CLIC4: variants seen among roughly 807,000 people sequenced by gnomAD.
CLIC4 encodes CLIC family member 4, also known as chloride intracellular channel protein 4.
A neutral mutation model predicts 24.6 loss-of-function variants in CLIC4; 13 were observed. That is an observed-to-expected ratio of 0.53 (90% CI 0.34 to 0.84). CLIC4 has a LOEUF of 0.84. CLIC4 is among the 40% of genes least tolerant of loss of function. The pLI is 0.01. For missense variants in CLIC4, 227 were observed against 301.7 expected (o/e 0.75, Z 1.83); for synonymous variants, 104 against 111.3 (o/e 0.93, Z 0.41).
intron 1 of CLIC4, among the ~76,000 whole-genome samples, chr1:24,791,472 G>T (rs973015900): frequency 6.6e-6 from 1 of 152,160 alleles, no homozygotes; most frequent in African/African-American, 2.4e-5. Flanking sequence ...AGGCCCAGTG[G>T]CTCACACCTG....
At chr1:24,769,000 C>T (rs548734401) in intron 1 of CLIC4, among the ~76,000 whole-genome samples, 54 of 150,698 alleles carry the variant, frequency 3.6e-4, no homozygotes, top group African/African-American at 1.2e-3. Flanking sequence ...TTAAAAATAG[C>T]GGGGCATGGT....
At chr1:24,826,567 ATTAAT>A (rs1002835559) in intron 3 of CLIC4, among the ~76,000 whole-genome samples, 2 of 152,204 alleles carry the variant, frequency 1.3e-5, no homozygotes, top group Non-Finnish European at 2.9e-5. Context: ...TTTGTTTGTG[ATTAAT>A]TTAAATTCAT....
intron 1 of CLIC4, 115 bp downstream of exon 1, chr1:24,745,740 C>A: frequency 2.6e-6 from 2 of 761,582 alleles, no homozygotes; most frequent in Non-Finnish European, 3.8e-6. Flanking sequence ...GCACCCGTCC[C>A]GCTGCGGGCA....
At chr1:24,792,722 G>A (rs761836144) in intron 1 of CLIC4, among the ~76,000 whole-genome samples, 2 of 152,146 alleles carry the variant, frequency 1.3e-5, no homozygotes, top group Admixed American at 6.5e-5. Flanking sequence ...CTTATTAGGC[G>A]TATGAGATGT....
intron 3 of CLIC4, among the ~76,000 whole-genome samples, chr1:24,821,492 G>A (rs1639733603): frequency 6.6e-6 from 1 of 152,196 alleles, no homozygotes; most frequent in South Asian, 2.1e-4. Context: ...TTCATAGTGT[G>A]CCAAATCCCC....
intron 3 of CLIC4, among the ~76,000 whole-genome samples, chr1:24,822,660 G>A (rs1343652326): frequency 6.6e-6 from 1 of 152,086 alleles, no homozygotes. Flanking sequence ...TGAATGCTTT[G>A]AAAAAGCAGG....
intron 2 of CLIC4, among the ~76,000 whole-genome samples, chr1:24,810,664 T>C (rs187454296): frequency 6.6e-6 from 1 of 151,980 alleles, no homozygotes; most frequent in Non-Finnish European, 1.5e-5. Flanking sequence ...TCCCAGCTGC[T>C]TGGGAGGCTG....
intron 1 of CLIC4, among the ~76,000 whole-genome samples, chr1:24,793,954 G>C (rs1238870813): frequency 6.6e-6 from 1 of 152,124 alleles, no homozygotes; most frequent in Admixed American, 6.5e-5. Context: ...TGACTTATTG[G>C]AGAGTTATTT....
At chr1:24,814,044 T>G (rs1639643979) in intron 2 of CLIC4, 50 bp from the exon 3 acceptor site, 2 of 1,609,848 alleles carry the variant, frequency 1.2e-6, no homozygotes, top group Non-Finnish European at 1.7e-6. Context: ...GTATTATTGT[T>G]GTTTAAGAGT....
rs6682239 is a variant in CLIC4, at chr1:24,816,668, T to G, written c.308+2449T>G. On this transcript the variant is annotated intron_variant, in intron 3 of 5. Transcript: ENST00000374379. Reference sequence around the variant, plus strand: ...AATGTGTTTATTAAATAATAAGACTTGAAAGTCAAAATTTATGGACTGCAG... The same window carrying G: ...AATGTGTTTATTAAATAATAAGACTGGAAAGTCAAAATTTATGGACTGCAG... Among the ~76,000 whole-genome samples the G allele has an allele frequency of 1.6e-3, 251 of 152,246 alleles. 2 individuals carry two copies. The highest frequency in any genetic ancestry group is 2.9e-3 in the Non-Finnish European group (200 of 68,018).
At chr1:24,782,732 C>T (rs1471415924) in intron 1 of CLIC4, among the ~76,000 whole-genome samples, 6 of 152,236 alleles carry the variant, frequency 3.9e-5, no homozygotes, top group African/African-American at 9.6e-5. Context: ...GTAATCCCAC[C>T]GCTTTCGGAG....
At chr1:24,759,561 A>C (rs1167663279) in intron 1 of CLIC4, among the ~76,000 whole-genome samples, 1 of 152,056 alleles carries the variant, frequency 6.6e-6, no homozygotes, top group Non-Finnish European at 1.5e-5. Context: ...GAGATAATTG[A>C]TTTAGAGATG....
intron 1 of CLIC4, among the ~76,000 whole-genome samples, chr1:24,773,083 CT>C (rs1418112026): frequency 6.6e-6 from 1 of 152,212 alleles, no homozygotes; most frequent in African/African-American, 2.4e-5. Flanking sequence ...CCCCACATAT[CT>C]CATTTACCCT....
chr1:24,776,208 T>C (rs1052549026), intron 1 of CLIC4, among the ~76,000 whole-genome samples: 2 of 152,242 alleles, frequency 1.3e-5, no homozygotes, highest in African/African-American at 4.8e-5. Flanking sequence ...TCTTACTTTA[T>C]TTTCTTTGCA....
At chr1:24,835,601 T>C (rs1195025439) in intron 4 of CLIC4, among the ~76,000 whole-genome samples, 1 of 152,086 alleles carries the variant, frequency 6.6e-6, no homozygotes, top group African/African-American at 2.4e-5. Context: ...AAATGTAGAA[T>C]TAAATACATA....
intron 2 of CLIC4, among the ~76,000 whole-genome samples, chr1:24,808,193 G>A (rs1335634476): frequency 6.6e-6 from 1 of 152,094 alleles, no homozygotes; most frequent in African/African-American, 2.4e-5. Context: ...TGATCCGCCC[G>A]CCTTGGCCTG....
In CLIC4 at chr1:24,751,207, C is replaced by CTT. The variant is rs563478354; in HGVS notation, c.72+5601_72+5602dup. The stretch of plus-strand genomic sequence containing the variant: ...TTTTTCTCCATTTAATACTTCCAGT[C>CTT]TTTTTTTTTTTTTTTTTTTTGAGAT... On this transcript the variant is annotated intron_variant, in intron 1 of 5. Transcript: ENST00000374379. 2.7e-3 allele frequency among the ~76,000 whole-genome samples: 292 copies of CTT among 109,014 alleles called. 4 individuals are homozygous for CTT. Among genetic ancestry groups the CTT allele is most frequent in the African/African-American group, 8.8e-3 (264 of 29,974 alleles). 71.5% of individuals were successfully genotyped at this position (109,014 alleles called of 152,430 possible). A position where few individuals can be genotyped will look rare whatever the true frequency, so the allele number is the denominator to read the frequency against.
chr1:24,793,928 T>A (rs1332668196), intron 1 of CLIC4, among the ~76,000 whole-genome samples: 1 of 152,222 alleles, frequency 6.6e-6, no homozygotes, highest in African/African-American at 2.4e-5. Flanking sequence ...ACAGTACTTT[T>A]ACCAGCATCT....
intron 1 of CLIC4, among the ~76,000 whole-genome samples, chr1:24,794,480 A>T (rs1303011425): frequency 6.6e-6 from 1 of 151,788 alleles, no homozygotes; most frequent in Non-Finnish European, 1.5e-5. Context: ...GTTGGGCCAC[A>T]TGTATGTCTT....
Sources: allele counts gnomAD v4.1 joint callset (sites outside exome capture counted in the v4.1 genomes callset), GRCh38; gene constraint gnomAD v4.1.1; transcripts MANE v1.5; gene names NCBI Gene and HGNC (gene_info 2026-07-23, HGNC 2026-07-21).